Variants in CELF2 observed in about 807,000 individuals in gnomAD.
CELF2 encodes the protein CUGBP Elav-like family member 2, also known as CUG triplet repeat RNA-binding protein 2.
In CELF2, 8 loss-of-function variants were observed where a neutral mutation model predicts 62.6. The observed-to-expected ratio is 0.13, with a 90% CI of 0.07 to 0.23. The LOEUF (loss-of-function observed/expected upper bound fraction) is 0.23. Ranked by LOEUF, CELF2 falls within the 10% of genes least tolerant of loss-of-function variation. The pLI is 1.00. For missense variants in CELF2, 333 were observed against 671.0 expected (o/e 0.50, Z 5.56); for synonymous variants, 258 against 250.0 (o/e 1.03, Z -0.30).
At chr10:11,187,759 T>C (rs2075336042) in intron 2 of CELF2, among the ~76,000 whole-genome samples, 1 of 150,516 alleles carries the variant, frequency 6.6e-6, no homozygotes, top group South Asian at 2.1e-4. Flanking sequence ...CTACTTCCAT[T>C]TCTCCCTTCG....
chr10:10,510,618 G>A, the CELF2 span, among the ~76,000 whole-genome samples: 1 of 152,246 alleles, frequency 6.6e-6, no homozygotes. Context: ...CTGGGGTGCT[G>A]GCAGTAAACA....
intron 1 of CELF2, among the ~76,000 whole-genome samples, chr10:10,910,715 AAAAAG>A (rs1554878822): frequency 2.6e-4 from 39 of 149,244 alleles, no homozygotes; most frequent in African/African-American, 9.2e-4. Context: ...AAAAAAAAAA[AAAAAG>A]AAAAGAAAAG....
the CELF2 span, among the ~76,000 whole-genome samples, chr10:10,655,837 A>C: frequency 9.4e-5 from 13 of 138,446 alleles, no homozygotes; most frequent in African/African-American, 3.4e-4. Context: ...CCAAAACACC[A>C]AAAGCAATGG....
At chr10:10,945,949 A>G (rs903215671) in intron 2 of CELF2, 2 of 152,660 alleles carry the variant, frequency 1.3e-5, no homozygotes, top group African/African-American at 4.8e-5. Flanking sequence ...TAGCGACCAA[A>G]AGAGCAAGAT....
At position 11,332,964 on chromosome 10, in the gene CELF2, G is replaced by A. The variant is rs889791662; in HGVS notation, c.*3911G>A. ...GTGTGTCTCGACACGTACCACGTAC[G>A]TGGAAACACAAGAGCCCACCACTTG... is the stretch of plus-strand genomic sequence containing the variant. On this transcript the variant is annotated 3_prime_UTR_variant, in exon 13 of 13. Transcript: ENST00000633077. 5 of 152,618 alleles carry A rather than the reference G, an allele frequency of 3.3e-5. No homozygotes were observed. The highest frequency in any genetic ancestry group is 1.9e-4 in the East Asian group (1 of 5,200). 9.5% of individuals were successfully genotyped at this position (152,618 alleles called of 1,614,324 possible). A position where few individuals can be genotyped will look rare whatever the true frequency, so the allele number is the denominator to read the frequency against.
chr10:11,276,187 T>C (rs1303680364), intron 8 of CELF2, among the ~76,000 whole-genome samples: 1 of 152,216 alleles, frequency 6.6e-6, no homozygotes, highest in Non-Finnish European at 1.5e-5. Context: ...GGAAAAACTT[T>C]CCAGGGGGCT....
At chr10:10,848,401 T>G (rs972049351) in intron 1 of CELF2, among the ~76,000 whole-genome samples, 4 of 152,242 alleles carry the variant, frequency 2.6e-5, no homozygotes, top group African/African-American at 9.6e-5. Flanking sequence ...GATCCCACTC[T>G]TTAAAAGCAT....
At chr10:10,665,315 C>T in the CELF2 span, among the ~76,000 whole-genome samples, 45,895 of 151,884 alleles carry the variant, frequency 0.3, 7,536 homozygotes, top group South Asian at 0.52. Context: ...GCAAATTGAG[C>T]TTCCAATGGT....
chr10:11,293,008 C>T (rs1400249624), intron 9 of CELF2, among the ~76,000 whole-genome samples: 3 of 152,178 alleles, frequency 2.0e-5, no homozygotes, highest in Middle Eastern at 3.2e-3. Flanking sequence ...TTGGCAACTG[C>T]GGTCTAGACT....
chr10:11,130,264 C>G, intron 1 of CELF2, among the ~76,000 whole-genome samples: 1 of 151,954 alleles, frequency 6.6e-6, no homozygotes, highest in East Asian at 1.9e-4. Flanking sequence ...CTGTTTAAAC[C>G]ATTCATTCAG....
chr10:10,528,056 G>A, the CELF2 span, among the ~76,000 whole-genome samples: 2 of 152,324 alleles, frequency 1.3e-5, no homozygotes, highest in East Asian at 3.9e-4. Flanking sequence ...CAGGCCTGCA[G>A]ATGTCTAACT....
chr10:10,565,501 G>A, the CELF2 span, among the ~76,000 whole-genome samples: 1 of 152,196 alleles, frequency 6.6e-6, no homozygotes, highest in African/African-American at 2.4e-5. Flanking sequence ...TCCTTAATCT[G>A]TCTAGCCCTA....
chr10:10,874,466 A>G (rs368813725), intron 1 of CELF2, among the ~76,000 whole-genome samples: 43 of 152,082 alleles, frequency 2.8e-4, no homozygotes, highest in African/African-American at 1.0e-3. Context: ...CCTTGATTAT[A>G]CTATACAGGG....
At chr10:10,920,335 C>T (rs1224640336) in intron 2 of CELF2, among the ~76,000 whole-genome samples, 2 of 152,084 alleles carry the variant, frequency 1.3e-5, no homozygotes, top group Admixed American at 1.3e-4. Flanking sequence ...AATTGGCAAT[C>T]GAAAAACATA....
At chr10:10,656,036 C>G in the CELF2 span, among the ~76,000 whole-genome samples, 1 of 149,774 alleles carries the variant, frequency 6.7e-6, no homozygotes, top group African/African-American at 2.5e-5. Context: ...GAAAAAAAAA[C>G]AACCCCATCA....
At chr10:10,486,944 A>G in the CELF2 span, among the ~76,000 whole-genome samples, 2 of 152,182 alleles carry the variant, frequency 1.3e-5, no homozygotes, top group South Asian at 2.1e-4. Context: ...GCAATTTGAC[A>G]TTTATCTTCC....
At chr10:10,835,043 G>T (rs7902102) in intron 1 of CELF2, among the ~76,000 whole-genome samples, 91,973 of 151,992 alleles carry the variant, frequency 0.61, 29,264 homozygotes, top group East Asian at 0.95. Context: ...TCTTACATAA[G>T]AGGCTGGAGT....
the CELF2 span, among the ~76,000 whole-genome samples, chr10:10,498,508 G>A: frequency 1.3e-5 from 2 of 152,140 alleles, no homozygotes; most frequent in Admixed American, 6.5e-5. Context: ...GAGATGAGGT[G>A]GAAAGCATAG....
At chr10:10,679,661 T>A in the CELF2 span, among the ~76,000 whole-genome samples, 1 of 152,226 alleles carries the variant, frequency 6.6e-6, no homozygotes, top group African/African-American at 2.4e-5. Context: ...ACCAGGATAA[T>A]GAACTCTCAT....
Sources: gnomAD v4.1 joint callset for allele counts (sites outside exome capture counted in the v4.1 genomes callset) on GRCh38, gnomAD v4.1.1 for gene constraint, MANE v1.5 for transcripts, NCBI Gene and HGNC (gene_info 2026-07-23, HGNC 2026-07-21) for gene names.